The following SRCAP variants were observed in gnomAD, a reference collection of about 807,000 sequenced individuals.
The protein encoded by SRCAP is chromatin remodeling protein SRCAP.
A neutral mutation model predicts 263.1 loss-of-function variants in SRCAP; 46 were observed. The observed-to-expected ratio is 0.17, with a 90% CI of 0.14 to 0.22. The LOEUF (loss-of-function observed/expected upper bound fraction) is 0.22, where lower values mean the gene tolerates loss of function less well. Among genes scored for constraint, SRCAP ranks in the 10% least tolerant of loss-of-function variants. The pLI is 1.00. For missense variants in SRCAP, 3,695 were observed against 4,181.9 expected (o/e 0.88, Z 3.21); for synonymous variants, 1,813 against 1,662.1 (o/e 1.09, Z -2.21).
At chr16:30,737,018 T>G in intron 33 of SRCAP, 31 bp from the exon 34 acceptor site, 1 of 1,548,474 alleles carries the variant, frequency 6.5e-7, no homozygotes, top group Non-Finnish European at 8.7e-7. Flanking sequence ...GCTTGCCTCC[T>G]CCTGACCACT....
chr16:30,731,367 C>T (rs2053112892), intron 27 of SRCAP, among the ~76,000 whole-genome samples: 1 of 152,096 alleles, frequency 6.6e-6, no homozygotes, highest in South Asian at 2.1e-4. Context: ...GTTCTTTTAC[C>T]CAAGAATGGC....
chr16:30,712,311 A>T lies in SRCAP; in HGVS notation c.1865A>T (p.Gln622Leu). 6.2e-7 allele frequency: 1 copy of T among 1,608,942 alleles called. No homozygotes were observed. Among genetic ancestry groups the T allele is most frequent in the Non-Finnish European group, 8.5e-7 (1 of 1,178,036 alleles). Residue 622 changes from glutamine (Q) to leucine (L), a missense_variant, in exon 13 of 34, where the codon CAG becomes CTG. Physicochemically the swap from Gln to Leu is moderately radical, Grantham distance 113. Around this residue, in one of 12 missense-constraint regions of SRCAP, gnomAD observed 121 missense variants for 330.7 expected, o/e 0.37. Coordinates refer to ENST00000262518, the MANE Select transcript of SRCAP (RefSeq NM_006662.3). ...CTGCGGGGCCAGCTCCGGGAGTACC[A>T]GCACATTGGGCTAGACTGGCTGGTT... ...LLLRGQLREY[Q>L]HIGLDWLVTM...
chr16:30,718,016 C>T (rs1215588878), intron 18 of SRCAP, among the ~76,000 whole-genome samples: 3 of 151,542 alleles, frequency 2.0e-5, no homozygotes, highest in African/African-American at 7.3e-5. Flanking sequence ...TATGCGTGCA[C>T]CACTATGCCT....
chr16:30,737,539 C>T lies in SRCAP; in HGVS notation c.7499C>T (p.Thr2500Ile), dbSNP rs764675828. The part of the protein sequence containing the change: ...QIPPCSSPAC[T>I]PPPACTPPPA... The stretch of plus-strand genomic sequence containing the variant: ...CCTCCTTGTTCTTCTCCTGCCTGCA[C>T]CCCTCCTCCTGCCTGTACCCCTCCA... Residue 2500 changes from threonine to isoleucine, a missense_variant, in exon 34 of 34, where the codon ACC (threonine) becomes ATC (isoleucine). This residue lies in a region of SRCAP where 1,207 missense variants were observed against 1,142.9 expected (regional missense o/e 1.06). Coordinates refer to ENST00000262518, the MANE Select transcript of SRCAP (RefSeq NM_006662.3). The T allele has an allele frequency of 5.6e-6, 9 of 1,609,906 alleles. No homozygotes were observed. The highest frequency in any genetic ancestry group is 2.7e-5 in the African/African-American group (2 of 74,794).
chr16:30,703,732 TA>T (rs2052794715), intron 3 of SRCAP, among the ~76,000 whole-genome samples: 1 of 151,460 alleles, frequency 6.6e-6, no homozygotes, highest in Admixed American at 6.6e-5. Context: ...CTGTCTCTAC[TA>T]AAAATACAAA....
At position 30,724,148 on chromosome 16, in the gene SRCAP, C is replaced by A; in HGVS notation, c.4724C>A (p.Pro1575Gln). ...PAPAQASLLA[P>Q]ASSASQALAT... ...CCAGCTCAGGCTTCCCTTCTGGCTC[C>A]AGCATCTTCTGCATCTCAGGCTCTA... is the stretch of plus-strand genomic sequence containing the variant. Residue 1575 changes from proline to glutamine, a missense_variant, in exon 25 of 34, where the codon CCA (proline) becomes CAA (glutamine). Transcript: ENST00000262518. 1 of 1,614,146 alleles carries A rather than the reference C, an allele frequency of 6.2e-7. No homozygotes were observed. Among genetic ancestry groups the A allele is most frequent in the Non-Finnish European group, 8.5e-7 (1 of 1,180,030 alleles).
chr16:30,704,008 A>C, intron 3 of SRCAP, 56 bp from the exon 4 acceptor site: 8 of 1,538,406 alleles, frequency 5.2e-6, no homozygotes, highest in Non-Finnish European at 7.0e-6. Flanking sequence ...AATGTATCTA[A>C]AACACTCAGC....
rs199994767 is a variant in SRCAP at position 30,722,215 on chromosome 16, A to G, written c.3635A>G (p.Gln1212Arg). The change falls in exon 22 of 34, where the codon CAG becomes CGG. Residue 1212 changes from glutamine (Q) to arginine (R), a missense_variant. Gln to Arg is a conservative substitution (Grantham distance 43). This residue lies in a region of SRCAP where 1,347 missense variants were observed against 1,304.4 expected (regional missense o/e 1.03). Coordinates refer to ENST00000262518, the MANE Select transcript of SRCAP (RefSeq NM_006662.3). ...GGSKPLTFQI[Q>R]GNKLTLTGAQ... ...AGCAAACCTCTCACCTTCCAAATCC[A>G]GGGCAACAAGCTGACTTTGACTGGT... 2 of 1,614,188 alleles carry G rather than the reference A, an allele frequency of 1.2e-6. No homozygotes were observed. Among genetic ancestry groups the G allele is most frequent in the East Asian group, 2.2e-5 (1 of 44,876 alleles).
At chr16:30,716,940 T>C (rs1008467254) in intron 18 of SRCAP, among the ~76,000 whole-genome samples, 5 of 152,210 alleles carry the variant, frequency 3.3e-5, no homozygotes, top group Non-Finnish European at 5.9e-5. Flanking sequence ...TGTACAAATA[T>C]CTCTGCTTTT....
In SRCAP at chr16:30,740,289, G is replaced by T. The variant is rs893911110; in HGVS notation, c.*556G>T. 6.6e-6 allele frequency: 1 copy of T among 152,428 alleles called. No individual in the cohort carries two copies. Among genetic ancestry groups the T allele is most frequent in the African/African-American group, 2.4e-5 (1 of 41,404 alleles). The allele number at this position is 152,428 out of a possible 1,614,324, so 9.4% of individuals were successfully genotyped here. Reference sequence around the variant, plus strand: ...CAGAAATCTACCCAAGAAGAGGGAAGATTGGTGAATTTGATGTGGTAGGGT... The same window carrying T: ...CAGAAATCTACCCAAGAAGAGGGAATATTGGTGAATTTGATGTGGTAGGGT... On this transcript the variant is annotated 3_prime_UTR_variant, in exon 34 of 34. Transcript: ENST00000262518.
intron 7 of SRCAP, 26 bp downstream of exon 7, chr16:30,709,761 C>G: frequency 6.2e-7 from 1 of 1,614,136 alleles, no homozygotes; most frequent in South Asian, 1.1e-5. Flanking sequence ...GGTCCTGTTA[C>G]TCTTCCTCAT....
chr16:30,715,937 G>A (rs2052944572), intron 16 of SRCAP, 129 bp from the exon 17 acceptor site: 4 of 1,201,064 alleles, frequency 3.3e-6, no homozygotes, highest in Non-Finnish European at 4.7e-6. Context: ...GCTTGCAGTT[G>A]ACTCATCTTT....
chr16:30,710,206 A>T (rs2052872590), intron 8 of SRCAP, 78 bp downstream of exon 8: 1 of 1,481,516 alleles, frequency 6.7e-7, no homozygotes, highest in Non-Finnish European at 9.1e-7. Flanking sequence ...CCGGGCTGTG[A>T]GGTTGGTTAT....
At chr16:30,722,469 C>A in intron 22 of SRCAP, 94 bp from the exon 23 acceptor site, 1 of 1,521,798 alleles carries the variant, frequency 6.6e-7, no homozygotes, top group South Asian at 1.2e-5. Flanking sequence ...AGAATGTATT[C>A]CCTCTCTGTT....
chr16:30,729,588 A>G lies in SRCAP; in HGVS notation c.6127+16A>G, dbSNP rs1555465336. On this transcript the variant is annotated intron_variant, in intron 27 of 33. Coordinates refer to ENST00000262518, the MANE Select transcript of SRCAP (RefSeq NM_006662.3). ...TATGATTGCGGTGAGTTTGTTGGCC[A>G]GTGTAGGACCCTTGACTTCTCTTCT... The G allele has an allele frequency of 6.2e-7, 1 of 1,613,494 alleles. No homozygotes were observed. Among genetic ancestry groups the G allele is most frequent in the Admixed American group, 1.7e-5 (1 of 60,002 alleles).
At chr16:30,725,238 T>G in intron 25 of SRCAP, 156 bp downstream of exon 25, 5 of 1,382,842 alleles carry the variant, frequency 3.6e-6, no homozygotes, top group Non-Finnish European at 3.8e-6. Flanking sequence ...GTCCCTTCTC[T>G]TCCCTGGGCG....
Position 30,720,314 on chromosome 16 carries a change from C to G in SRCAP, c.2970C>G (p.Val990=), listed in dbSNP as rs770723052. The G allele has an allele frequency of 1.2e-6, 2 of 1,613,674 alleles. No homozygotes were observed. The highest frequency in any genetic ancestry group is 1.1e-5 in the South Asian group (1 of 91,046). The change falls in exon 19 of 34, where the codon GTC becomes GTG. Residue 990 remains valine (V), a synonymous_variant. Transcript: ENST00000262518. ...APDPPPRPKP[V]KMKVNRMLQP... ...ACCCCCCACCCCGGCCCAAGCCAGT[C>G]AAGATGAAGGTCAACAGGTACAAGG...
At chr16:30,734,035 G>A in intron 30 of SRCAP, 27 bp downstream of exon 30, 1 of 1,566,638 alleles carries the variant, frequency 6.4e-7, no homozygotes, top group Non-Finnish European at 8.7e-7. Context: ...TTTAGCCTAT[G>A]CAGGAGAAAA....
chr16:30,732,630 C>A (rs998570919), intron 27 of SRCAP, among the ~76,000 whole-genome samples: 4 of 152,094 alleles, frequency 2.6e-5, no homozygotes, highest in Non-Finnish European at 5.9e-5. Context: ...TTGTTGATAT[C>A]TATCCTGTGA....
Sources: allele counts gnomAD v4.1 joint callset (sites outside exome capture counted in the v4.1 genomes callset), GRCh38; gene constraint gnomAD v4.1.1; regional missense constraint gnomAD v4.1.1; transcripts MANE v1.5; gene names NCBI Gene and HGNC (gene_info 2026-07-23, HGNC 2026-07-21).